Variants in LRP2 observed in about 807,000 individuals in gnomAD.
LRP2 encodes the protein low-density lipoprotein receptor-related protein 2.
LRP2 carries 172 observed loss-of-function variants against 531.0 expected under a neutral mutation model. The ratio of observed to expected loss-of-function variants is 0.32; its 90% confidence interval spans 0.29 to 0.37. LRP2 has a LOEUF of 0.37. LRP2 is among the 10% of genes least tolerant of loss of function. The pLI, the probability that LRP2 is intolerant of heterozygous loss-of-function variation, is 1.00. For synonymous variants in LRP2, 1,992 were observed against 2,027.6 expected, an observed-to-expected ratio of 0.98 and a Z score of 0.47; for missense variants, 5,167 against 5,868.3, an observed-to-expected ratio of 0.88 and a Z score of 3.90.
rs560552621 is a variant in LRP2 at position 169,230,984 on chromosome 2, G to T, written c.5227+730C>A. Among the ~76,000 whole-genome samples, 289 of 152,176 alleles carry T rather than the reference G, an allele frequency of 1.9e-3. 2 individuals carry two copies. Among genetic ancestry groups the T allele is most frequent in the African/African-American group, 6.6e-3 (274 of 41,518 alleles). ...CAGGCTAGAACACTCATTAACTATT[G>T]GTTATAAGAATAAAAATGAGACAAT... On this transcript the variant is annotated intron_variant, in intron 31 of 78. Coordinates refer to ENST00000649046, the MANE Select transcript of LRP2 (RefSeq NM_004525.3).
At chr2:169,292,878 C>T (rs1168685303) in intron 6 of LRP2, among the ~76,000 whole-genome samples, 2 of 150,610 alleles carry the variant, frequency 1.3e-5, no homozygotes, top group Non-Finnish European at 3.0e-5. Context: ...AGATGGTTTG[C>T]AATGCGTTGG....
intron 4 of LRP2, among the ~76,000 whole-genome samples, chr2:169,299,362 G>A (rs1237546133): frequency 6.6e-6 from 1 of 151,970 alleles, no homozygotes; most frequent in Non-Finnish European, 1.5e-5. Context: ...TGGGTCTTAA[G>A]CCTGAGATTC....
chr2:169,237,453 G>A (rs111369319), intron 27 of LRP2, among the ~76,000 whole-genome samples, 166 bp from the exon 28 acceptor site: 29 of 152,116 alleles, frequency 1.9e-4, no homozygotes, highest in African/African-American at 5.3e-4. Context: ...TCAACAGCAG[G>A]GTTTTCTGAG....
At position 169,246,871 on chromosome 2, in the gene LRP2, G is replaced by A. The variant is rs200089366; in HGVS notation, c.3024C>T (p.Ser1008=). The A allele has an allele frequency of 6.2e-7, 1 of 1,614,188 alleles. No homozygotes were observed. Among genetic ancestry groups the A allele is most frequent in the East Asian group, 2.2e-5 (1 of 44,878 alleles). ...GGTCCCCCTCGCATGTCAAGTGATT[G>A]GAAGCCAGCCTCATTCCATAAGGGC... is the stretch of plus-strand genomic sequence containing the variant. ...CGCPYGMRLA[S]NHLTCEGDPT... Residue 1008 remains serine (S), a synonymous_variant, in exon 21 of 79, where the codon TCC becomes TCT. Transcript: ENST00000649046.
At chr2:169,171,296 T>C (rs760493917) in intron 58 of LRP2, among the ~76,000 whole-genome samples, 1 of 152,178 alleles carries the variant, frequency 6.6e-6, no homozygotes, top group African/African-American at 2.4e-5. Context: ...GTTTCATTAG[T>C]CAATTAGAAA....
intron 1 of LRP2, among the ~76,000 whole-genome samples, chr2:169,356,391 C>A (rs1420044672): frequency 6.6e-6 from 1 of 152,188 alleles, no homozygotes; most frequent in Non-Finnish European, 1.5e-5. Context: ...TTCCTCCTCT[C>A]AAGTTTGGAA....
chr2:169,256,246 T>G lies in LRP2; in HGVS notation c.2640-10A>C. 1 of 1,609,994 alleles carries G rather than the reference T, an allele frequency of 6.2e-7. No individual in the cohort carries two copies. Among genetic ancestry groups the G allele is most frequent in the South Asian group, 1.1e-5 (1 of 90,638 alleles). On this transcript the variant is annotated splice_polypyrimidine_tract_variant and intron_variant, in intron 18 of 78. Transcript: ENST00000649046. ...GTACAATCGTGAAGCACTAAAATAA[T>G]AAAATATTTAGTTATCTCTTATCCA...
intron 3 of LRP2, among the ~76,000 whole-genome samples, chr2:169,308,752 T>C (rs975489087): frequency 4.6e-5 from 7 of 152,220 alleles, no homozygotes; most frequent in African/African-American, 1.4e-4. Context: ...ATGGGATGGC[T>C]GGGTCAAATG....
intron 29 of LRP2, 59 bp downstream of exon 29, chr2:169,235,781 C>G: frequency 7.7e-7 from 1 of 1,306,202 alleles, no homozygotes; most frequent in Non-Finnish European, 1.1e-6. Flanking sequence ...TGATACTCGT[C>G]TGATTTCTAC....
chr2:169,277,466 T>G (rs1049949431), intron 13 of LRP2, among the ~76,000 whole-genome samples: 4 of 152,068 alleles, frequency 2.6e-5, no homozygotes, highest in African/African-American at 7.2e-5. Flanking sequence ...ATAATGTGCA[T>G]CATGTGGGAC....
intron 50 of LRP2, among the ~76,000 whole-genome samples, chr2:169,184,737 C>T (rs1489732410): frequency 6.7e-6 from 1 of 150,082 alleles, no homozygotes; most frequent in African/African-American, 2.5e-5. Context: ...CTGGGAATGA[C>T]TAGTATTGGT....
chr2:169,162,649 A>G, intron 62 of LRP2, 49 bp from the exon 63 acceptor site: 1 of 1,585,320 alleles, frequency 6.3e-7, no homozygotes, highest in Non-Finnish European at 8.7e-7. Context: ...TTTATGAAGC[A>G]AGATACTTCC....
Position 169,239,699 on chromosome 2 carries a change from T to C in LRP2, c.4122A>G (p.Leu1374=), listed in dbSNP as rs770283342. The change falls in exon 26 of 79, where the codon CTA becomes CTG. Residue 1374 remains leucine (L), a synonymous_variant. Coordinates refer to ENST00000649046, the MANE Select transcript of LRP2 (RefSeq NM_004525.3). ...CVQEPFGAKC[L]CPLGFLLAND... ...TGGCAAGTAAGAATCCCAATGGACA[T>C]AGGCATTTAGCCCCAAAGGGCTCTT... 3 of 1,614,014 alleles carry C rather than the reference T, an allele frequency of 1.9e-6. No individual in the cohort carries two copies. The highest frequency in any genetic ancestry group is 8.5e-7 in the Non-Finnish European group (1 of 1,179,856).
chr2:169,182,419 C>T, intron 50 of LRP2, 100 bp from the exon 51 acceptor site: 1 of 1,593,558 alleles, frequency 6.3e-7, no homozygotes, highest in South Asian at 1.1e-5. Flanking sequence ...GAATCACAGA[C>T]AGTTGTTAGA....
chr2:169,345,158 A>G, intron 1 of LRP2, among the ~76,000 whole-genome samples: 1 of 152,184 alleles, frequency 6.6e-6, no homozygotes, highest in East Asian at 1.9e-4. Context: ...CCAGGTGTCA[A>G]GGGGTAAATC....
intron 62 of LRP2, among the ~76,000 whole-genome samples, chr2:169,165,724 C>T (rs904891172): frequency 6.6e-6 from 1 of 152,212 alleles, no homozygotes; most frequent in Non-Finnish European, 1.5e-5. Flanking sequence ...TTGCCAGCAT[C>T]ATGCTCAAAT....
intron 72 of LRP2, 179 bp from the exon 73 acceptor site, chr2:169,139,789 G>A (rs1486891034): frequency 2.9e-6 from 2 of 688,318 alleles, no homozygotes; most frequent in Non-Finnish European, 5.2e-6. Context: ...AAAGAACAGT[G>A]CTCTGATTTT....
chr2:169,276,597 C>A (rs1444792308), intron 13 of LRP2, among the ~76,000 whole-genome samples: 1 of 152,002 alleles, frequency 6.6e-6, no homozygotes, highest in East Asian at 1.9e-4. Context: ...TTTAACCAAG[C>A]AGAGATTGTC....
At chr2:169,271,951 G>GCCCAAGAC (rs1683429609) in intron 15 of LRP2, among the ~76,000 whole-genome samples, 1 of 152,092 alleles carries the variant, frequency 6.6e-6, no homozygotes, top group Admixed American at 6.6e-5. Flanking sequence ...AAGGAGGTAT[G>GCCCAAGAC]CCCAAGACAA....
Sources: allele counts gnomAD v4.1 joint callset (sites outside exome capture counted in the v4.1 genomes callset), GRCh38; gene constraint gnomAD v4.1.1; transcripts MANE v1.5; gene names NCBI Gene and HGNC (gene_info 2026-07-23, HGNC 2026-07-21).